Variants in MTSS1 observed in about 807,000 individuals in gnomAD.
MTSS1 encodes the protein MTSS I-BAR domain containing 1, also known as protein MTSS 1.
In MTSS1, 18 loss-of-function variants were observed where a neutral mutation model predicts 79.0. The observed-to-expected ratio is 0.23, with a 90% CI of 0.16 to 0.34. MTSS1 has a LOEUF of 0.34. Ranked by LOEUF, MTSS1 falls within the 10% of genes least tolerant of loss-of-function variation. The probability of loss-of-function intolerance (pLI) is 1.00; values close to 1 mark genes in which losing one functional copy is unlikely to be tolerated. For missense variants in MTSS1, 815 were observed against 986.2 expected, an observed-to-expected ratio of 0.83 and a Z score of 2.33; for synonymous variants, 341 against 368.6, an observed-to-expected ratio of 0.93 and a Z score of 0.86.
At chr8:124,612,858 C>T (rs1836133899) in intron 3 of MTSS1, among the ~76,000 whole-genome samples, 1 of 151,892 alleles carries the variant, frequency 6.6e-6, no homozygotes, top group East Asian at 1.9e-4. Flanking sequence ...AAGACTGAAA[C>T]CCATCAAGTG....
rs796797614 is a variant in MTSS1, at chr8:124,669,309, G to A, written c.208+30217C>T. On this transcript the variant is annotated intron_variant, in intron 3 of 13. Coordinates refer to ENST00000518547, the MANE Select transcript of MTSS1 (RefSeq NM_014751.6). ...GTGTAGGTGTCCACCGTCTCGCTCC[G>A]CTGAGATAGTGTGACAAATGATGCT... is the stretch of plus-strand genomic sequence containing the variant. Among the ~76,000 whole-genome samples the A allele has an allele frequency of 7.2e-5, 11 of 152,302 alleles. No homozygotes were observed. The South Asian group carries it at 1.0e-3, about 14-fold the overall frequency.
chr8:124,650,279 T>C (rs1819718544), intron 3 of MTSS1, among the ~76,000 whole-genome samples: 1 of 152,158 alleles, frequency 6.6e-6, no homozygotes, highest in Admixed American at 6.5e-5. Flanking sequence ...TCTGCTTGCC[T>C]CGGCCTCCCA....
At chr8:124,717,734 A>G (rs1160169697) in intron 1 of MTSS1, among the ~76,000 whole-genome samples, 1 of 152,168 alleles carries the variant, frequency 6.6e-6, no homozygotes, top group Non-Finnish European at 1.5e-5. Context: ...AAAGAAAAAC[A>G]GCAACAGTGC....
chr8:124,557,363 G>C (rs1417933076), intron 11 of MTSS1, among the ~76,000 whole-genome samples: 1 of 152,186 alleles, frequency 6.6e-6, no homozygotes, highest in Non-Finnish European at 1.5e-5. Flanking sequence ...ATTTCAACTT[G>C]ATGCAAAACT....
intron 6 of MTSS1, 31 bp from the exon 7 acceptor site, chr8:124,568,567 G>C: frequency 1.9e-6 from 3 of 1,614,044 alleles, no homozygotes; most frequent in Non-Finnish European, 2.5e-6. Flanking sequence ...AGCACGGCTT[G>C]CTGAAATACC....
chr8:124,708,902 A>T (rs545853806), intron 1 of MTSS1, among the ~76,000 whole-genome samples: 12 of 152,096 alleles, frequency 7.9e-5, no homozygotes, highest in Non-Finnish European at 1.8e-4. Context: ...AACTTCTAAG[A>T]ACAGAAGACA....
intron 11 of MTSS1, among the ~76,000 whole-genome samples, chr8:124,556,760 G>T (rs1823907913): frequency 6.6e-6 from 1 of 152,226 alleles, no homozygotes; most frequent in African/African-American, 2.4e-5. Flanking sequence ...AGGGACCAGC[G>T]CTCCTTAACA....
At chr8:124,587,230 T>C (rs547248250) in intron 5 of MTSS1, among the ~76,000 whole-genome samples, 25 of 152,326 alleles carry the variant, frequency 1.6e-4, no homozygotes, top group African/African-American at 5.3e-4. Context: ...ATGCAGCAGA[T>C]GCCTGACAAA....
chr8:124,611,917 C>T (rs1417661455), intron 3 of MTSS1, among the ~76,000 whole-genome samples: 1 of 152,168 alleles, frequency 6.6e-6, no homozygotes, highest in Non-Finnish European at 1.5e-5. Context: ...ACAGGGACCT[C>T]CCCAGAACCA....
chr8:124,609,620 G>T (rs1293572100), intron 3 of MTSS1, among the ~76,000 whole-genome samples: 1 of 152,184 alleles, frequency 6.6e-6, no homozygotes, highest in African/African-American at 2.4e-5. Flanking sequence ...AGGAAAGAGA[G>T]ACTAAGGGGA....
chr8:124,727,996 G>C lies in MTSS1; in HGVS notation c.-41C>G. The C allele has an allele frequency of 1.3e-6, 2 of 1,571,710 alleles. No individual in the cohort carries two copies. Among genetic ancestry groups the C allele is most frequent in the South Asian group, 2.3e-5 (2 of 88,756 alleles). ...AGGGCGAGGGCACACACGCGGGGCC[G>C]CTGGACTGCGCGCGGGGCCGGGGCT... On this transcript the variant is annotated 5_prime_UTR_variant, in exon 1 of 14. Coordinates refer to ENST00000518547, the MANE Select transcript of MTSS1 (RefSeq NM_014751.6). The surrounding 1 kb of genome is among the most constrained non-coding windows in gnomAD (Gnocchi z 4.7).
Position 124,557,875 on chromosome 8 carries a change from ACTGG to A in MTSS1, c.1036-4_1036-1del, listed in dbSNP as rs1475310741. 6.5e-7 allele frequency: 1 copy of A among 1,543,220 alleles called. No individual in the cohort carries two copies. Among genetic ancestry groups the A allele is most frequent in the South Asian group, 1.2e-5 (1 of 86,084 alleles). On this transcript the variant is annotated splice_acceptor_variant and splice_polypyrimidine_tract_variant and intron_variant, in intron 10 of 13. Transcript: ENST00000518547. LOFTEE classifies it high-confidence loss of function. ...CTATAGTGAGAAAACCCGTTAGACA[ACTGG>A]AAACAAACAAAAAAAGGGGGGGGGA...
intron 4 of MTSS1, among the ~76,000 whole-genome samples, chr8:124,590,430 A>G (rs1446275576): frequency 1.3e-5 from 2 of 152,188 alleles, no homozygotes; most frequent in Non-Finnish European, 2.9e-5. Context: ...GCGGCATGAC[A>G]GGTCATAAAT....
rs576748776 is a variant in MTSS1, at chr8:124,698,786, T to G, written c.208+740A>C. ...GATCTCTTGCCTTGGCCTCCCAAAG[T>G]GCTGGGATTACAGGCATGACCCACC... On this transcript the variant is annotated intron_variant, in intron 3 of 13. Transcript: ENST00000518547. Among the ~76,000 whole-genome samples the G allele has an allele frequency of 3.3e-5, 5 of 152,312 alleles. No homozygotes were observed. The South Asian group carries it at 1.0e-3, about 32-fold the overall frequency.
Position 124,727,771 on chromosome 8 carries a change from C to T in MTSS1, c.72+113G>A, listed in dbSNP as rs1833950323. The T allele has an allele frequency of 3.3e-6, 3 of 917,528 alleles. No homozygotes were observed. The highest frequency in any genetic ancestry group is 3.1e-5 in the Admixed American group (1 of 32,644). 56.8% of individuals were successfully genotyped at this position (917,528 alleles called of 1,614,324 possible). ...CCGGCCGGGAGCTCCCGCAGGTGGC[C>T]GGTGGCCACACTGCAGGGAAGGGCC... is the stretch of plus-strand genomic sequence containing the variant. On this transcript the variant is annotated intron_variant, in intron 1 of 13. Coordinates refer to ENST00000518547, the MANE Select transcript of MTSS1 (RefSeq NM_014751.6). The surrounding 1 kb of genome is among the most constrained non-coding windows in gnomAD (Gnocchi z 4.7).
At chr8:124,606,171 G>GTTTTT (rs11351219) in intron 3 of MTSS1, among the ~76,000 whole-genome samples, 2 of 88,894 alleles carry the variant, frequency 2.2e-5, no homozygotes, top group Non-Finnish European at 4.5e-5. Context: ...TTGGTTTTTT[G>GTTTTT]TTTTTTTTTT....
intron 3 of MTSS1, among the ~76,000 whole-genome samples, chr8:124,591,769 C>A (rs1831919966): frequency 1.3e-5 from 2 of 151,806 alleles, no homozygotes; most frequent in Admixed American, 1.3e-4. Context: ...AAGGCTAAAG[C>A]AAAATGAGGT....
chr8:124,570,969 G>C (rs1308771900), intron 6 of MTSS1, among the ~76,000 whole-genome samples: 1 of 152,136 alleles, frequency 6.6e-6, no homozygotes, highest in African/African-American at 2.4e-5. Flanking sequence ...CACAGCGCCT[G>C]GGTGTTTCAG....
In MTSS1 at chr8:124,705,268, C is replaced by T. The variant is rs545620586; in HGVS notation, c.73-1077G>A. 3.9e-5 allele frequency among the ~76,000 whole-genome samples: 6 copies of T among 152,178 alleles called. No individual in the cohort carries two copies. The East Asian group carries it at 5.8e-4, about 15-fold the overall frequency. ...GGCAGACATCTTGAGGCCAGGAGAT[C>T]GAGATCAGCCTGGCCAACGTGGTGA... On this transcript the variant is annotated intron_variant, in intron 1 of 13. Coordinates refer to ENST00000518547, the MANE Select transcript of MTSS1 (RefSeq NM_014751.6).
Sources: gnomAD v4.1 joint callset for allele counts (sites outside exome capture counted in the v4.1 genomes callset) on GRCh38, gnomAD v4.1.1 for gene constraint, Gnocchi (gnomAD v3.1) non-coding constraint, MANE v1.5 for transcripts, NCBI Gene and HGNC (gene_info 2026-07-23, HGNC 2026-07-21) for gene names.